The following LHFPL2 variants were observed in gnomAD, a reference collection of about 807,000 sequenced individuals.
LHFPL2 encodes LHFPL tetraspan subfamily member 2 protein.
Under a neutral mutation model 17.5 loss-of-function variants are expected in LHFPL2, and 7 were observed. The observed-to-expected ratio is 0.40, with a 90% CI of 0.23 to 0.75. The LOEUF is 0.75. LHFPL2 is among the 30% of genes least tolerant of loss of function. The probability of loss-of-function intolerance (pLI) is 0.37; values close to 1 mark genes in which losing one functional copy is unlikely to be tolerated. For synonymous variants in LHFPL2, 134 were observed against 116.2 expected, an observed-to-expected ratio of 1.15 and a Z score of -0.99; for missense variants, 241 against 294.8, an observed-to-expected ratio of 0.82 and a Z score of 1.34.
chr5:78,552,984 T>C (rs1399451397), intron 3 of LHFPL2, among the ~76,000 whole-genome samples: 2 of 152,192 alleles, frequency 1.3e-5, no homozygotes, highest in East Asian at 1.9e-4. Context: ...TGCACCTAAG[T>C]TGTTCCTACG....
intron 4 of LHFPL2, among the ~76,000 whole-genome samples, chr5:78,500,517 C>G (rs1754741899): frequency 6.6e-6 from 1 of 152,128 alleles, no homozygotes; most frequent in Non-Finnish European, 1.5e-5. Context: ...TCTCTTCCTT[C>G]CACCCAGGAA....
At chr5:78,610,473 C>A (rs1422195051) in intron 2 of LHFPL2, among the ~76,000 whole-genome samples, 1 of 152,158 alleles carries the variant, frequency 6.6e-6, no homozygotes, top group Non-Finnish European at 1.5e-5. Context: ...TGGCAAGATT[C>A]CACTCGGAAG....
At chr5:78,585,571 C>G (rs1301752920) in intron 2 of LHFPL2, among the ~76,000 whole-genome samples, 1 of 152,174 alleles carries the variant, frequency 6.6e-6, no homozygotes, top group Non-Finnish European at 1.5e-5. Flanking sequence ...CCGTCTTCTG[C>G]GTCGCTCATG....
rs115729500 is a variant in LHFPL2, at chr5:78,549,247, T to C, written c.-186+15566A>G. On this transcript the variant is annotated intron_variant, in intron 3 of 4. Transcript: ENST00000380345. ...CGAGACTGGCTTACTTACACAGAGG[T>C]CTCAGAGCAGAGTTCCAAGAAGGTG... 7.9e-3 allele frequency: 1,201 copies of C among 152,186 alleles called. 13 individuals carry two copies. Among genetic ancestry groups the C allele is most frequent in the African/African-American group, 0.026 (1,065 of 41,504 alleles). The allele number at this position is 152,186 out of a possible 1,614,324, so 9.4% of individuals were successfully genotyped here. A position where few individuals can be genotyped will look rare whatever the true frequency, so the allele number is the denominator to read the frequency against.
chr5:78,538,488 T>C (rs977238921), intron 3 of LHFPL2, among the ~76,000 whole-genome samples: 1 of 152,200 alleles, frequency 6.6e-6, no homozygotes, highest in African/African-American at 2.4e-5. Flanking sequence ...AGGTAAGAAG[T>C]GGCTGCTCTG....
intron 3 of LHFPL2, among the ~76,000 whole-genome samples, chr5:78,527,651 A>C (rs1168113256): frequency 1.3e-5 from 2 of 152,164 alleles, no homozygotes; most frequent in Non-Finnish European, 2.9e-5. Flanking sequence ...TAATGAAGTC[A>C]AGGGACGAAG....
chr5:78,628,138 C>T (rs758371984), intron 2 of LHFPL2, among the ~76,000 whole-genome samples: 5 of 152,150 alleles, frequency 3.3e-5, no homozygotes, highest in South Asian at 2.1e-4. Context: ...CCAGGAGAGA[C>T]GTGGACAGGC....
intron 3 of LHFPL2, among the ~76,000 whole-genome samples, chr5:78,523,111 G>C (rs1755507047): frequency 6.7e-6 from 1 of 149,626 alleles, no homozygotes. Context: ...GTGTGTCTGT[G>C]GTGTGTGTGT....
chr5:78,640,971 A>G (rs1284363251), intron 1 of LHFPL2, among the ~76,000 whole-genome samples: 1 of 152,206 alleles, frequency 6.6e-6, no homozygotes, highest in African/African-American at 2.4e-5. Context: ...TCAAAAAAGA[A>G]GGTAGATAAA....
chr5:78,564,270 A>G (rs1019196030), intron 3 of LHFPL2, among the ~76,000 whole-genome samples: 8 of 152,128 alleles, frequency 5.3e-5, no homozygotes, highest in African/African-American at 1.9e-4. Flanking sequence ...AGATTACTCA[A>G]CCTCTATTAT....
chr5:78,519,172 G>T (rs1196754053), intron 3 of LHFPL2, among the ~76,000 whole-genome samples: 1 of 151,992 alleles, frequency 6.6e-6, no homozygotes, highest in East Asian at 1.9e-4. Flanking sequence ...AGAGAGACGC[G>T]AGGCAAGAGA....
intron 3 of LHFPL2, among the ~76,000 whole-genome samples, chr5:78,534,581 G>A (rs1580783906): frequency 6.6e-6 from 1 of 152,328 alleles, no homozygotes; most frequent in Admixed American, 6.5e-5. Flanking sequence ...AGCAAAATAG[G>A]AACAGAACAG....
intron 2 of LHFPL2, among the ~76,000 whole-genome samples, chr5:78,631,662 G>A (rs1745252816): frequency 6.6e-6 from 1 of 152,266 alleles, no homozygotes; most frequent in Non-Finnish European, 1.5e-5. Context: ...GGGGCCAGGT[G>A]TGGTGGGTTA....
intron 2 of LHFPL2, among the ~76,000 whole-genome samples, chr5:78,570,466 C>A (rs1345226736): frequency 6.6e-6 from 1 of 151,902 alleles, no homozygotes; most frequent in Non-Finnish European, 1.5e-5. Context: ...GTGTCTGGAC[C>A]CACCTCTGTG....
intron 2 of LHFPL2, among the ~76,000 whole-genome samples, chr5:78,629,916 G>C (rs1175753671): frequency 6.6e-6 from 1 of 152,190 alleles, no homozygotes; most frequent in African/African-American, 2.4e-5. Flanking sequence ...CCCATCTTCA[G>C]AAATAGTAAA....
At chr5:78,516,574 G>A (rs2112334477) in intron 3 of LHFPL2, among the ~76,000 whole-genome samples, 1 of 152,232 alleles carries the variant, frequency 6.6e-6, no homozygotes, top group South Asian at 2.1e-4. Flanking sequence ...TTCTCACAGA[G>A]GGCAATTTTG....
At chr5:78,618,273 A>T (rs1298965075) in intron 2 of LHFPL2, among the ~76,000 whole-genome samples, 1 of 152,192 alleles carries the variant, frequency 6.6e-6, no homozygotes, top group Non-Finnish European at 1.5e-5. Context: ...GTAAGTTTTT[A>T]TAAGAGCACC....
chr5:78,589,356 A>T (rs1405716100), intron 2 of LHFPL2, among the ~76,000 whole-genome samples: 1 of 151,798 alleles, frequency 6.6e-6, no homozygotes, highest in Non-Finnish European at 1.5e-5. Flanking sequence ...CTGTAATTCC[A>T]GCTACTCGGG....
intron 3 of LHFPL2, among the ~76,000 whole-genome samples, chr5:78,544,535 T>C (rs986051169): frequency 2.0e-5 from 3 of 152,202 alleles, no homozygotes; most frequent in African/African-American, 7.2e-5. Context: ...AGTAAAACTT[T>C]AGCTGGGAAA....
Sources: allele counts gnomAD v4.1 joint callset (sites outside exome capture counted in the v4.1 genomes callset), GRCh38; gene constraint gnomAD v4.1.1; transcripts MANE v1.5; gene names NCBI Gene and HGNC (gene_info 2026-07-23, HGNC 2026-07-21).